MYO3B: variants seen among roughly 807,000 people sequenced by gnomAD.
MYO3B encodes the protein myosin IIIB.
In MYO3B, 156 loss-of-function variants were observed where a neutral mutation model predicts 174.6. The observed-to-expected ratio is 0.89, with a 90% CI of 0.78 to 1.02. MYO3B has a LOEUF of 1.02. Ranked by LOEUF, MYO3B falls within the 50% of genes least tolerant of loss-of-function variation. The pLI is 0.00. For missense variants in MYO3B, 1,632 were observed against 1,639.4 expected (o/e 1.00, Z 0.08); for synonymous variants, 563 against 569.1 (o/e 0.99, Z 0.15).
intron 7 of MYO3B, among the ~76,000 whole-genome samples, chr2:170,295,967 A>G (rs948338522): frequency 6.6e-6 from 1 of 152,176 alleles, no homozygotes; most frequent in Admixed American, 6.5e-5. Flanking sequence ...CACCTTTTTC[A>G]GGGGTCCTAA....
intron 7 of MYO3B, among the ~76,000 whole-genome samples, chr2:170,277,694 T>C (rs915091898): frequency 6.6e-6 from 1 of 151,340 alleles, no homozygotes; most frequent in Non-Finnish European, 1.5e-5. Flanking sequence ...ATTATAAAAG[T>C]AATATATGCC....
intron 25 of MYO3B, among the ~76,000 whole-genome samples, chr2:170,480,058 T>TAA (rs1553504824): frequency 1.9e-4 from 29 of 149,922 alleles, no homozygotes; most frequent in East Asian, 1.6e-3. Flanking sequence ...TATATATATA[T>TAA]AAAATAACAC....
rs540866052 is a variant in MYO3B at position 170,515,067 on chromosome 2, C to T, written c.3472+45C>T. 8.4e-5 allele frequency: 129 copies of T among 1,537,258 alleles called. No homozygotes were observed. In the South Asian group the frequency reaches 1.4e-3, roughly 17 times the overall value. ...AGAATGAGTGTTCTAAATTCAGGGGCATTCCGGAGAAGGTTCCAAAGCTGG... is the reference window on the plus strand; with the variant it reads ...AGAATGAGTGTTCTAAATTCAGGGGTATTCCGGAGAAGGTTCCAAAGCTGG... On this transcript the variant is annotated intron_variant, in intron 29 of 34. Coordinates refer to ENST00000408978, the MANE Select transcript of MYO3B (RefSeq NM_138995.5).
At chr2:170,438,527 C>T (rs1204973358) in intron 22 of MYO3B, among the ~76,000 whole-genome samples, 2 of 152,176 alleles carry the variant, frequency 1.3e-5, no homozygotes, top group African/African-American at 4.8e-5. Context: ...ATAGCAGCTG[C>T]ACCATTTTAT....
At chr2:170,430,312 C>T (rs1321638549) in intron 22 of MYO3B, among the ~76,000 whole-genome samples, 1 of 151,706 alleles carries the variant, frequency 6.6e-6, no homozygotes, top group Non-Finnish European at 1.5e-5. Context: ...ACTAGATCAT[C>T]TACAGGTTTT....
intron 3 of MYO3B, among the ~76,000 whole-genome samples, chr2:170,213,696 C>T (rs2092797228): frequency 6.6e-6 from 1 of 152,066 alleles, no homozygotes; most frequent in Non-Finnish European, 1.5e-5. Flanking sequence ...CAATATATGA[C>T]AAAGAACAAA....
intron 32 of MYO3B, among the ~76,000 whole-genome samples, chr2:170,645,208 C>T (rs1041333917): frequency 2.6e-5 from 4 of 152,112 alleles, no homozygotes; most frequent in East Asian, 1.9e-4. Context: ...CAGTGGCTCA[C>T]GCCTGTAATC....
chr2:170,398,179 C>T (rs1024748553), intron 16 of MYO3B, among the ~76,000 whole-genome samples: 13 of 141,412 alleles, frequency 9.2e-5, no homozygotes, highest in East Asian at 2.1e-4. Flanking sequence ...TCCATGATCA[C>T]GCCATTGCAC....
At chr2:170,552,152 G>C (rs760245822) in intron 32 of MYO3B, among the ~76,000 whole-genome samples, 9 of 152,190 alleles carry the variant, frequency 5.9e-5, no homozygotes, top group Non-Finnish European at 1.2e-4. Flanking sequence ...GTGGGGTATT[G>C]CTATAAAGGT....
intron 7 of MYO3B, among the ~76,000 whole-genome samples, chr2:170,300,762 A>G (rs1385441015): frequency 1.3e-5 from 2 of 152,238 alleles, no homozygotes; most frequent in African/African-American, 2.4e-5. Context: ...AACAGACATC[A>G]GAGTATTTTT....
At chr2:170,199,602 T>C (rs1308763862) in intron 2 of MYO3B, among the ~76,000 whole-genome samples, 3 of 152,206 alleles carry the variant, frequency 2.0e-5, no homozygotes, top group Non-Finnish European at 4.4e-5. Context: ...TACTGTTGTG[T>C]TGGTTTGGGA....
chr2:170,626,025 A>G (rs1360873141), intron 32 of MYO3B, among the ~76,000 whole-genome samples: 1 of 152,182 alleles, frequency 6.6e-6, no homozygotes, highest in East Asian at 1.9e-4. Flanking sequence ...AAGAATGTAT[A>G]TTCTGTTGAT....
intron 9 of MYO3B, among the ~76,000 whole-genome samples, chr2:170,378,427 C>A (rs1423331599): frequency 6.6e-6 from 1 of 152,150 alleles, no homozygotes; most frequent in East Asian, 1.9e-4. Context: ...CTTTTAGGAG[C>A]AAATATTTCT....
In MYO3B at chr2:170,420,042, G is replaced by A. The variant is rs139827858; in HGVS notation, c.2650+12198G>A. On this transcript the variant is annotated intron_variant, in intron 22 of 34. Coordinates refer to ENST00000408978, the MANE Select transcript of MYO3B (RefSeq NM_138995.5). ...TACTAAAAATACAAAAATTAACTGG[G>A]TGTGGTGATGCATGCCTGTAGTCCC... Among the ~76,000 whole-genome samples, 1,052 of 152,128 alleles carry A rather than the reference G, an allele frequency of 6.9e-3. 18 individuals carry two copies. The highest frequency in any genetic ancestry group is 0.024 in the African/African-American group (981 of 41,482).
chr2:170,372,118 C>CAAAAAAAAAAAAAAAAAAAAA (rs769243145), intron 9 of MYO3B, among the ~76,000 whole-genome samples: 4 of 22,204 alleles, frequency 1.8e-4, no homozygotes, highest in African/African-American at 2.5e-4. Context: ...GACCCTGTCT[C>CAAAAAAAAAAAAAAAAAAAAA]AAAAAAAAAA....
At chr2:170,624,542 T>C (rs565341786) in intron 32 of MYO3B, among the ~76,000 whole-genome samples, 18 of 152,308 alleles carry the variant, frequency 1.2e-4, no homozygotes, top group African/African-American at 4.1e-4. Flanking sequence ...CTTTTCCTAA[T>C]TGAGTACCCT....
chr2:170,572,545 C>T (rs1372235887), intron 32 of MYO3B, among the ~76,000 whole-genome samples: 1 of 149,504 alleles, frequency 6.7e-6, no homozygotes, highest in South Asian at 2.1e-4. Context: ...AGAACAGGAG[C>T]TTGAGGCTGC....
intron 8 of MYO3B, among the ~76,000 whole-genome samples, chr2:170,359,702 C>T (rs534903039): frequency 6.6e-6 from 1 of 152,272 alleles, no homozygotes; most frequent in African/African-American, 2.4e-5. Context: ...TGTCAATACC[C>T]CTTTTGTTCT....
intron 17 of MYO3B, among the ~76,000 whole-genome samples, chr2:170,400,704 A>G (rs2094470236): frequency 2.7e-5 from 4 of 148,022 alleles, no homozygotes; most frequent in Admixed American, 6.8e-5. Context: ...TGGTCTTTCT[A>G]ATGGCTCTGG....
Sources: gnomAD v4.1 joint callset for allele counts (sites outside exome capture counted in the v4.1 genomes callset) on GRCh38, gnomAD v4.1.1 for gene constraint, MANE v1.5 for transcripts, NCBI Gene and HGNC (gene_info 2026-07-23, HGNC 2026-07-21) for gene names.